Variants in PCNX2 observed in about 807,000 individuals in gnomAD.
PCNX2 encodes the protein pecanex-like protein 2.
PCNX2 carries 168 observed loss-of-function variants against 223.8 expected under a neutral mutation model. That is an observed-to-expected ratio of 0.75 (90% CI 0.66 to 0.85). The LOEUF (loss-of-function observed/expected upper bound fraction) is 0.85. Ranked by LOEUF, PCNX2 falls within the 40% of genes least tolerant of loss-of-function variation. The pLI, the probability that PCNX2 is intolerant of heterozygous loss-of-function variation, is 0.00. For missense variants in PCNX2, 2,507 were observed against 2,675.5 expected, an observed-to-expected ratio of 0.94 and a Z score of 1.39; for synonymous variants, 1,006 against 1,052.6, an observed-to-expected ratio of 0.96 and a Z score of 0.86.
At chr1:233,186,577 C>A (rs74744298) in intron 15 of PCNX2, among the ~76,000 whole-genome samples, 1 of 152,086 alleles carries the variant, frequency 6.6e-6, no homozygotes, top group Non-Finnish European at 1.5e-5. Flanking sequence ...ACCTTGAACA[C>A]CCCAGAAGGG....
chr1:232,989,562 T>C lies in PCNX2; in HGVS notation c.5792-3022A>G, dbSNP rs1669623578. On this transcript the variant is annotated intron_variant, in intron 32 of 33. Coordinates refer to ENST00000258229, the MANE Select transcript of PCNX2 (RefSeq NM_014801.4). ...GAGAGGCCCCCAACCACCTCTCCAA[T>C]GGCACTCAGCACACTGTGTTGTCAC... is the stretch of plus-strand genomic sequence containing the variant. 2.0e-5 allele frequency among the ~76,000 whole-genome samples: 3 copies of C among 152,098 alleles called. No individual in the cohort carries two copies. The South Asian group carries it at 6.2e-4, about 32-fold the overall frequency.
intron 1 of PCNX2, among the ~76,000 whole-genome samples, chr1:233,275,741 A>G (rs1276934930): frequency 6.6e-6 from 1 of 152,002 alleles, no homozygotes; most frequent in African/African-American, 2.4e-5. Flanking sequence ...TATAATAGAC[A>G]AGGGGTGAGG....
At chr1:233,217,039 T>C (rs1656988926) in intron 12 of PCNX2, among the ~76,000 whole-genome samples, 1 of 152,122 alleles carries the variant, frequency 6.6e-6, no homozygotes, top group Non-Finnish European at 1.5e-5. Context: ...GCGAATAGAA[T>C]GGTGGTTACC....
At chr1:233,114,902 C>T (rs541194944) in intron 21 of PCNX2, among the ~76,000 whole-genome samples, 1 of 152,248 alleles carries the variant, frequency 6.6e-6, no homozygotes, top group East Asian at 1.9e-4. Flanking sequence ...CTTCCAGAAA[C>T]CCCACTAGGT....
At chr1:232,997,972 G>A (rs1669934593) in intron 32 of PCNX2, among the ~76,000 whole-genome samples, 2 of 152,196 alleles carry the variant, frequency 1.3e-5, no homozygotes, top group Admixed American at 1.3e-4. Context: ...GTGAGAGACG[G>A]AAAGATGGAA....
At position 233,131,643 on chromosome 1, in the gene PCNX2, C is replaced by G. The variant is rs1262676276; in HGVS notation, c.3837+3370G>C. On this transcript the variant is annotated intron_variant, in intron 21 of 33. Coordinates refer to ENST00000258229, the MANE Select transcript of PCNX2 (RefSeq NM_014801.4). The stretch of plus-strand genomic sequence containing the variant: ...TCTCTGAAGATAAAGAGTGATCCAG[C>G]ATTAGCGGGAGGCAAGATGGGCCAG... 5.3e-5 allele frequency among the ~76,000 whole-genome samples: 8 copies of G among 152,290 alleles called. No individual in the cohort carries two copies. In the East Asian group the frequency reaches 1.4e-3, roughly 26 times the overall value.
At chr1:233,281,064 G>T (rs1439351373) in intron 1 of PCNX2, among the ~76,000 whole-genome samples, 1 of 152,164 alleles carries the variant, frequency 6.6e-6, no homozygotes, top group Non-Finnish European at 1.5e-5. Flanking sequence ...GTGCAACAGA[G>T]CAACACAGCA....
the PCNX2 span, among the ~76,000 whole-genome samples, chr1:233,312,683 T>C: frequency 6.6e-6 from 1 of 152,198 alleles, no homozygotes; most frequent in Non-Finnish European, 1.5e-5. Flanking sequence ...ATCACAATTA[T>C]GAATGATGAT....
intron 13 of PCNX2, among the ~76,000 whole-genome samples, chr1:233,204,006 C>T (rs965592555): frequency 7.2e-5 from 11 of 152,154 alleles, no homozygotes; most frequent in Admixed American, 2.0e-4. Flanking sequence ...TTTTCTTAAA[C>T]GCTCCTCGTT....
At chr1:233,152,112 G>A (rs1449849191) in intron 19 of PCNX2, among the ~76,000 whole-genome samples, 1 of 152,194 alleles carries the variant, frequency 6.6e-6, no homozygotes, top group Non-Finnish European at 1.5e-5. Flanking sequence ...CAGAGTATGA[G>A]AGTGCCTGGC....
At chr1:233,154,347 T>C (rs1008523128) in intron 19 of PCNX2, among the ~76,000 whole-genome samples, 26 of 152,376 alleles carry the variant, frequency 1.7e-4, no homozygotes, top group Non-Finnish European at 3.5e-4. Flanking sequence ...CCCAAAGTGC[T>C]GGGATTACAG....
At chr1:233,202,353 G>A in intron 13 of PCNX2, 1 of 312,204 alleles carries the variant, frequency 3.2e-6, no homozygotes, top group Non-Finnish European at 6.6e-6. Context: ...AGTCAATGCA[G>A]AAACTTCTGG....
chr1:233,084,671 A>G (rs1026463707), intron 23 of PCNX2, among the ~76,000 whole-genome samples: 1 of 152,230 alleles, frequency 6.6e-6, no homozygotes, highest in Non-Finnish European at 1.5e-5. Context: ...AACTGGGCAC[A>G]TGTATCATGT....
At chr1:232,987,182 C>T (rs1016064103) in intron 32 of PCNX2, among the ~76,000 whole-genome samples, 8 of 152,244 alleles carry the variant, frequency 5.3e-5, no homozygotes, top group East Asian at 1.9e-4. Flanking sequence ...CCCACTGCCT[C>T]GCCCCTCAGG....
intron 8 of PCNX2, chr1:233,241,391 C>A (rs1167925560): frequency 2.0e-6 from 2 of 985,048 alleles, no homozygotes; most frequent in Non-Finnish European, 2.4e-6. Context: ...ACCTCACAAA[C>A]CTTTCGTCCT....
chr1:233,295,202 C>T lies in PCNX2; in HGVS notation c.153+124G>A. ...TGTCCCAAATTTCTGAAGCCCCTCCCTTTCCGTCTCTTAAGAATCTCTACG... is the reference window on the plus strand; with the variant it reads ...TGTCCCAAATTTCTGAAGCCCCTCCTTTTCCGTCTCTTAAGAATCTCTACG... On this transcript the variant is annotated intron_variant, in intron 1 of 33. Transcript: ENST00000258229. This position sits in a 1 kb window ranked among gnomAD's most constrained non-coding sequence, Gnocchi z 4.1. 1 of 1,373,404 alleles carries T rather than the reference C, an allele frequency of 7.3e-7. No homozygotes were observed. 85.1% of individuals were successfully genotyped at this position (1,373,404 alleles called of 1,614,324 possible).
intron 15 of PCNX2, among the ~76,000 whole-genome samples, chr1:233,190,837 T>A (rs1401104501): frequency 6.6e-6 from 1 of 152,156 alleles, no homozygotes; most frequent in Non-Finnish European, 1.5e-5. Context: ...GAAATAAAAG[T>A]CTCAGCCCAG....
At chr1:233,257,896 A>C in intron 5 of PCNX2, 132 bp downstream of exon 5, 1 of 1,238,738 alleles carries the variant, frequency 8.1e-7, no homozygotes, top group Non-Finnish European at 1.1e-6. Context: ...AATATTGATG[A>C]GAAAGCCAAG....
intron 12 of PCNX2, among the ~76,000 whole-genome samples, chr1:233,215,865 C>T (rs982928542): frequency 1.3e-5 from 2 of 152,208 alleles, no homozygotes; most frequent in African/African-American, 4.8e-5. Context: ...CTTATCTTGA[C>T]ATTCAGACTC....
Sources: allele counts gnomAD v4.1 joint callset (sites outside exome capture counted in the v4.1 genomes callset), GRCh38; gene constraint gnomAD v4.1.1; non-coding constraint Gnocchi (gnomAD v3.1); transcripts MANE v1.5; gene names NCBI Gene and HGNC (gene_info 2026-07-23, HGNC 2026-07-21).